Variants in SUN1 observed in about 807,000 individuals in gnomAD.
SUN1 encodes SUN domain-containing protein 1.
In SUN1, 61 loss-of-function variants were observed where a neutral mutation model predicts 103.2. That is an observed-to-expected ratio of 0.59 (90% CI 0.48 to 0.73). SUN1 has a LOEUF of 0.73. Ranked by LOEUF, SUN1 falls within the 30% of genes least tolerant of loss-of-function variation. The pLI is 0.00. For missense variants in SUN1, 1,052 were observed against 1,034.6 expected, an observed-to-expected ratio of 1.02 and a Z score of -0.23; for synonymous variants, 490 against 425.7, an observed-to-expected ratio of 1.15 and a Z score of -1.86.
intron 6 of SUN1, 48 bp downstream of exon 6, chr7:851,530 A>G: frequency 6.8e-7 from 1 of 1,472,436 alleles, no homozygotes; most frequent in Non-Finnish European, 9.1e-7. Flanking sequence ...AGCTTCTGGC[A>G]GCTAAGCACC....
chr7:834,845 G>A (rs1349424220), intron 1 of SUN1, among the ~76,000 whole-genome samples: 2 of 152,200 alleles, frequency 1.3e-5, no homozygotes, highest in Non-Finnish European at 2.9e-5. Context: ...GGAGGCTGAG[G>A]CGGGTGGATC....
chr7:840,133 G>A (rs1807845455), intron 2 of SUN1, among the ~76,000 whole-genome samples: 1 of 152,196 alleles, frequency 6.6e-6, no homozygotes, highest in African/African-American at 2.4e-5. Context: ...GAGCGATGGC[G>A]GAATGGTTGA....
intron 15 of SUN1, among the ~76,000 whole-genome samples, chr7:863,980 A>ATTT (rs1834259576): frequency 6.6e-6 from 1 of 152,254 alleles, no homozygotes; most frequent in African/African-American, 2.4e-5. Context: ...TATATGTAAA[A>ATTT]ACTTGAGAAG....
At chr7:853,800 G>A (rs938681100) in intron 10 of SUN1, among the ~76,000 whole-genome samples, 182 bp downstream of exon 10, 2 of 152,216 alleles carry the variant, frequency 1.3e-5, no homozygotes, top group African/African-American at 2.4e-5. Flanking sequence ...GTCGTCTGCC[G>A]ATGACCAGGA....
chr7:822,952 G>A (rs1283216801), intron 1 of SUN1, among the ~76,000 whole-genome samples: 1 of 152,024 alleles, frequency 6.6e-6, no homozygotes, highest in Non-Finnish European at 1.5e-5. Flanking sequence ...GTGGCCACCC[G>A]TGAATTCCCA....
At chr7:819,700 A>C (rs1370566672) in intron 1 of SUN1, among the ~76,000 whole-genome samples, 1 of 145,966 alleles carries the variant, frequency 6.9e-6, no homozygotes, top group Non-Finnish European at 1.5e-5. Flanking sequence ...TTTTTATGCC[A>C]ATGCCACCCT....
In SUN1 at chr7:861,372, C is replaced by T. The variant is rs755436273; in HGVS notation, c.1780-8C>T. ...GTGTTTGGTCTTCCGTCCCTCGTGT[C>T]TGTCCAGCAAGCACGTGCCATCGTG... On this transcript the variant is annotated splice_region_variant and splice_polypyrimidine_tract_variant and intron_variant, in intron 14 of 18. Coordinates refer to ENST00000401592, the MANE Select transcript of SUN1 (RefSeq NM_001130965.3). The T allele has an allele frequency of 3.4e-5, 55 of 1,614,064 alleles. No individual in the cohort carries two copies. The Middle Eastern group carries it at 1.2e-3, about 34-fold the overall frequency.
chr7:846,811 G>C (rs1028568980), intron 5 of SUN1, among the ~76,000 whole-genome samples: 1 of 152,058 alleles, frequency 6.6e-6, no homozygotes, highest in African/African-American at 2.4e-5. Context: ...CAGGAGGCTT[G>C]AGACCAGCCT....
Position 873,498 on chromosome 7 carries a change from C to T in SUN1, c.*167C>T, listed in dbSNP as rs1351817479. 4 of 677,570 alleles carry T rather than the reference C, an allele frequency of 5.9e-6. No homozygotes were observed. Among genetic ancestry groups the T allele is most frequent in the Non-Finnish European group, 9.9e-6 (4 of 402,232 alleles). 42.0% of individuals were successfully genotyped at this position (677,570 alleles called of 1,614,324 possible). ...GAGCGTGTGACGGGCGCCTTGGCGC[C>T]ACCTGTTGGGTGCTCACTGCCTCTG... On this transcript the variant is annotated 3_prime_UTR_variant, in exon 19 of 19. Transcript: ENST00000401592.
At chr7:863,059 G>A (rs930274183) in intron 15 of SUN1, among the ~76,000 whole-genome samples, 2 of 152,156 alleles carry the variant, frequency 1.3e-5, no homozygotes, top group African/African-American at 2.4e-5. Context: ...GGAGAATGGC[G>A]TGAACCCGGG....
chr7:847,483 T>C (rs543681349), intron 5 of SUN1, among the ~76,000 whole-genome samples: 1 of 105,424 alleles, frequency 9.5e-6, no homozygotes, highest in South Asian at 3.4e-4. Flanking sequence ...CCCCTGGGGG[T>C]TACCCCACAG....
chr7:856,663 A>T (rs1009598569), intron 12 of SUN1, among the ~76,000 whole-genome samples: 5 of 152,096 alleles, frequency 3.3e-5, no homozygotes, highest in African/African-American at 4.8e-5. Context: ...CCCTGCTGTG[A>T]CCCGGAGGGC....
At chr7:825,632 T>G (rs931462363) in intron 1 of SUN1, among the ~76,000 whole-genome samples, 4 of 152,230 alleles carry the variant, frequency 2.6e-5, no homozygotes, top group African/African-American at 4.8e-5. Context: ...TTAAGGATTC[T>G]CAGTCAGGGT....
At position 832,595 on chromosome 7, in the gene SUN1, C is replaced by T. The variant is rs1278902056; in HGVS notation, c.71C>T (p.Ala24Val). The T allele has an allele frequency of 5.6e-6, 9 of 1,611,026 alleles. No homozygotes were observed. The Admixed American group carries it at 1.0e-4, about 18-fold the overall frequency. ...CCGGAGAACACGGGCTACACGTATGCGCTCAGGTGAGTGTGCACCTGCACG... is the reference window on the plus strand; with the variant it reads ...CCGGAGAACACGGGCTACACGTATGTGCTCAGGTGAGTGTGCACCTGCACG... Reference protein sequence around the residue: ...CVPENTGYTYALSSSYSSDAL... With the variant: ...CVPENTGYTYVLSSSYSSDAL... Residue 24 changes from alanine (A) to valine (V), a missense_variant, in exon 1 of 19, where the codon GCG becomes GTG. Ala to Val is a moderately conservative substitution (Grantham distance 64). Around this residue, in one of 2 missense-constraint regions of SUN1, gnomAD observed 846 missense variants for 774.5 expected, o/e 1.09. Transcript: ENST00000401592.
rs1275625256 is a variant in SUN1, at chr7:852,645, C to T, written c.888C>T (p.Leu296=). The T allele has an allele frequency of 1.2e-6, 2 of 1,614,084 alleles. No individual in the cohort carries two copies. The highest frequency in any genetic ancestry group is 1.7e-6 in the Non-Finnish European group (2 of 1,180,052). ...LRNICKFLVL[L]IPLFLLLAGL... ...ACATCTGCAAGTTTTTAGTCTTGCTCATCCCACTCTTCCTTTTACTAGGTA... is the reference window on the plus strand; with the variant it reads ...ACATCTGCAAGTTTTTAGTCTTGCTTATCCCACTCTTCCTTTTACTAGGTA... The change falls in exon 8 of 19, where the codon CTC becomes CTT. Residue 296 remains leucine (L), a synonymous_variant. Coordinates refer to ENST00000401592, the MANE Select transcript of SUN1 (RefSeq NM_001130965.3).
intron 1 of SUN1, 78 bp downstream of exon 1, chr7:832,679 A>G: frequency 9.6e-7 from 1 of 1,039,604 alleles, no homozygotes; most frequent in Non-Finnish European, 1.5e-6. Context: ...CTTAACAGGA[A>G]CTCCATAGTA....
chr7:869,158 G>T, intron 16 of SUN1, 191 bp from the exon 17 acceptor site: 2 of 676,516 alleles, frequency 3.0e-6, no homozygotes, highest in South Asian at 1.9e-5. Context: ...CAACATATGG[G>T]TTGGAGATAG....
At chr7:855,266 G>A (rs570330262) in intron 11 of SUN1, among the ~76,000 whole-genome samples, 6 of 152,358 alleles carry the variant, frequency 3.9e-5, no homozygotes, top group East Asian at 1.9e-4. Context: ...TGGTTCTGCC[G>A]ATTCCAGGCG....
intron 13 of SUN1, among the ~76,000 whole-genome samples, chr7:858,637 G>A (rs992699750): frequency 1.1e-4 from 16 of 152,100 alleles, no homozygotes; most frequent in Admixed American, 2.0e-4. Context: ...GTTTCGTGTC[G>A]AAACATATCA....
Sources: allele counts gnomAD v4.1 joint callset (sites outside exome capture counted in the v4.1 genomes callset), GRCh38; gene constraint gnomAD v4.1.1; regional missense constraint gnomAD v4.1.1; transcripts MANE v1.5; gene names NCBI Gene and HGNC (gene_info 2026-07-23, HGNC 2026-07-21).